The following STXBP6 variants were observed in gnomAD, a reference collection of about 807,000 sequenced individuals.
The protein encoded by STXBP6 is syntaxin-binding protein 6.
STXBP6 carries 21 observed loss-of-function variants against 26.9 expected under a neutral mutation model. The observed-to-expected ratio is 0.78, with a 90% CI of 0.55 to 1.12. The LOEUF (loss-of-function observed/expected upper bound fraction) is 1.12, where lower values mean the gene tolerates loss of function less well. Among genes scored for constraint, STXBP6 ranks in the 50% most tolerant of loss-of-function variants. The probability of loss-of-function intolerance (pLI) is 0.00; values close to 1 mark genes in which losing one functional copy is unlikely to be tolerated. For synonymous variants in STXBP6, 97 were observed against 92.6 expected (o/e 1.05, Z -0.27); for missense variants, 232 against 257.9 (o/e 0.90, Z 0.69).
At chr14:24,813,873 A>G (rs907707327) in intron 5 of STXBP6, among the ~76,000 whole-genome samples, 1 of 152,214 alleles carries the variant, frequency 6.6e-6, no homozygotes, top group African/African-American at 2.4e-5. Context: ...TGGGGCTGCC[A>G]TCTCAGCTAA....
chr14:24,852,578 G>C (rs2069191632), intron 4 of STXBP6, among the ~76,000 whole-genome samples: 1 of 151,914 alleles, frequency 6.6e-6, no homozygotes, highest in Admixed American at 6.6e-5. Context: ...TTGAAGTTCT[G>C]GTGGACAAAC....
chr14:24,933,417 A>G (rs1688247592), intron 2 of STXBP6, among the ~76,000 whole-genome samples: 1 of 152,268 alleles, frequency 6.6e-6, no homozygotes, highest in Admixed American at 6.5e-5. Context: ...GGAGTAGAAG[A>G]TTTAGGAACT....
intron 2 of STXBP6, among the ~76,000 whole-genome samples, chr14:24,974,270 T>G (rs2073984749): frequency 6.6e-6 from 1 of 152,188 alleles, no homozygotes; most frequent in African/African-American, 2.4e-5. Context: ...TTGGCAACTG[T>G]CTAGAAAAAC....
At chr14:24,967,690 T>C (rs550313016) in intron 2 of STXBP6, among the ~76,000 whole-genome samples, 2 of 152,290 alleles carry the variant, frequency 1.3e-5, no homozygotes, top group Non-Finnish European at 1.5e-5. Flanking sequence ...CAAATCTCTA[T>C]AATAAAGAGA....
At chr14:24,921,176 G>A (rs2071964336) in intron 2 of STXBP6, among the ~76,000 whole-genome samples, 1 of 152,112 alleles carries the variant, frequency 6.6e-6, no homozygotes, top group African/African-American at 2.4e-5. Context: ...GGATGTGTCA[G>A]GATTCAAGGA....
At chr14:25,023,697 G>A (rs564593836) in intron 1 of STXBP6, among the ~76,000 whole-genome samples, 1 of 152,294 alleles carries the variant, frequency 6.6e-6, no homozygotes, top group South Asian at 2.1e-4. Flanking sequence ...TCAGGAGGCT[G>A]AGGTGGGACA....
chr14:25,031,288 T>C (rs2140466804), intron 1 of STXBP6, among the ~76,000 whole-genome samples: 1 of 152,330 alleles, frequency 6.6e-6, no homozygotes, highest in African/African-American at 2.4e-5. Context: ...TTTTAAGTTC[T>C]AGAAAATCAC....
At chr14:24,931,550 T>C (rs2072409198) in intron 2 of STXBP6, among the ~76,000 whole-genome samples, 1 of 152,180 alleles carries the variant, frequency 6.6e-6, no homozygotes, top group Admixed American at 6.5e-5. Context: ...TAAAGACTCA[T>C]TCATTCATTC....
intron 2 of STXBP6, among the ~76,000 whole-genome samples, chr14:24,899,615 T>C (rs1162408300): frequency 6.6e-6 from 1 of 151,620 alleles, no homozygotes. Context: ...ACCCCATCTC[T>C]ACTAAAAATA....
chr14:24,969,219 C>G lies in STXBP6; in HGVS notation c.154+5446G>C, dbSNP rs993766602. Among the ~76,000 whole-genome samples the G allele has an allele frequency of 1.4e-4, 22 of 152,138 alleles. 1 individual carries two copies. The highest frequency in any genetic ancestry group is 5.1e-4 in the African/African-American group (21 of 41,440). ...AAAAGATTAAGATTTTCTGTTTCAA[C>G]AAAACATGTAAAAGAATGTACTAAT... On this transcript the variant is annotated intron_variant, in intron 2 of 5. Coordinates refer to ENST00000323944, the MANE Select transcript of STXBP6 (RefSeq NM_001394410.1).
chr14:24,927,099 GAA>G (rs2139860047), intron 2 of STXBP6, among the ~76,000 whole-genome samples: 1 of 152,322 alleles, frequency 6.6e-6, no homozygotes, highest in Admixed American at 6.5e-5. Flanking sequence ...CATAATGGAT[GAA>G]TTTCTAGTGT....
At chr14:24,935,001 A>G (rs2072546785) in intron 2 of STXBP6, among the ~76,000 whole-genome samples, 1 of 152,162 alleles carries the variant, frequency 6.6e-6, no homozygotes, top group Non-Finnish European at 1.5e-5. Context: ...GGTCTCCTGG[A>G]GCAATGGGAT....
chr14:24,981,926 A>T (rs1316766251), intron 1 of STXBP6, among the ~76,000 whole-genome samples: 1 of 152,210 alleles, frequency 6.6e-6, no homozygotes, highest in African/African-American at 2.4e-5. Context: ...AAGAAATAAT[A>T]CAGAGTGAAA....
chr14:24,925,986 C>T (rs1450753454), intron 2 of STXBP6, among the ~76,000 whole-genome samples: 1 of 152,016 alleles, frequency 6.6e-6, no homozygotes, highest in Non-Finnish European at 1.5e-5. Flanking sequence ...GGAAGGTGTT[C>T]CTGAGTGCAT....
chr14:24,880,491 T>G (rs1209713494), intron 2 of STXBP6, among the ~76,000 whole-genome samples: 1 of 151,694 alleles, frequency 6.6e-6, no homozygotes, highest in Non-Finnish European at 1.5e-5. Flanking sequence ...ATGGGGAGGG[T>G]CATAACCAGG....
intron 2 of STXBP6, among the ~76,000 whole-genome samples, chr14:24,901,348 C>T (rs192494858): frequency 0.01 from 1,585 of 151,728 alleles, 17 homozygotes; most frequent in Middle Eastern, 0.024. Flanking sequence ...AGCATGGCTC[C>T]CCCCCAAAAA....
intron 2 of STXBP6, among the ~76,000 whole-genome samples, chr14:24,910,053 C>A (rs1366905967): frequency 6.6e-6 from 1 of 151,960 alleles, no homozygotes. Context: ...GATCACACCT[C>A]CTACCACTTG....
At chr14:24,829,252 G>A (rs2068382369) in intron 4 of STXBP6, among the ~76,000 whole-genome samples, 1 of 152,108 alleles carries the variant, frequency 6.6e-6, no homozygotes, top group African/African-American at 2.4e-5. Flanking sequence ...TTTAAGTATT[G>A]TAATTATTAT....
intron 2 of STXBP6, among the ~76,000 whole-genome samples, chr14:24,864,389 A>G (rs530292961): frequency 6.1e-4 from 93 of 152,294 alleles, no homozygotes; most frequent in African/African-American, 2.2e-3. Context: ...TATTTTACCT[A>G]GAAGAGCGGC....
Sources: allele counts gnomAD v4.1 joint callset (sites outside exome capture counted in the v4.1 genomes callset), GRCh38; gene constraint gnomAD v4.1.1; transcripts MANE v1.5; gene names NCBI Gene and HGNC (gene_info 2026-07-23, HGNC 2026-07-21).